Variants in GYPE observed in about 807,000 individuals in gnomAD.
GYPE encodes the protein glycophorin-E.
A neutral mutation model predicts 11.6 loss-of-function variants in GYPE; 8 were observed. The ratio of observed to expected loss-of-function variants is 0.69; its 90% CI spans 0.41 to 1.25. The LOEUF (loss-of-function observed/expected upper bound fraction) is 1.25. GYPE is among the 50% of genes most tolerant of loss of function. The probability of loss-of-function intolerance (pLI) is 0.01; values close to 1 mark genes in which losing one functional copy is unlikely to be tolerated. For missense variants in GYPE, 90 were observed against 92.8 expected (o/e 0.97, Z 0.12); for synonymous variants, 28 against 29.6 (o/e 0.94, Z 0.18).
intron 2 of GYPE, among the ~76,000 whole-genome samples, chr4:143,880,027 C>G (rs1172845459): frequency 6.6e-6 from 1 of 152,074 alleles, no homozygotes; most frequent in African/African-American, 2.4e-5. Context: ...GGATAGAAAC[C>G]CTGCAGGGCA....
intron 1 of GYPE, among the ~76,000 whole-genome samples, chr4:143,903,035 C>T (rs1744925304): frequency 6.6e-6 from 1 of 151,670 alleles, no homozygotes; most frequent in African/African-American, 2.4e-5. Flanking sequence ...TGCCTTCTGT[C>T]CTCTTTTCCC....
intron 1 of GYPE, among the ~76,000 whole-genome samples, chr4:143,899,982 AG>A (rs1339608650): frequency 1.1e-5 from 1 of 92,724 alleles, no homozygotes; most frequent in African/African-American, 3.5e-5. Flanking sequence ...TGTGCATCAA[AG>A]GACACTATCA....
chr4:143,900,787 C>T (rs1337072589), intron 1 of GYPE, among the ~76,000 whole-genome samples: 1 of 152,054 alleles, frequency 6.6e-6, no homozygotes, highest in Non-Finnish European at 1.5e-5. Context: ...ATGGGTAAAT[C>T]TGTAGAGGTA....
chr4:143,893,940 A>C (rs1251779469), intron 1 of GYPE, among the ~76,000 whole-genome samples: 1 of 152,156 alleles, frequency 6.6e-6, no homozygotes, highest in Non-Finnish European at 1.5e-5. Flanking sequence ...CATCACTTTC[A>C]GGTACACCAA....
chr4:143,894,841 T>C (rs1744563455), intron 1 of GYPE, among the ~76,000 whole-genome samples: 1 of 152,090 alleles, frequency 6.6e-6, no homozygotes, highest in African/African-American at 2.4e-5. Context: ...GATGCAAGGC[T>C]GGTTCAATAT....
chr4:143,877,337 A>G (rs961339457), intron 2 of GYPE, among the ~76,000 whole-genome samples: 113 of 152,322 alleles, frequency 7.4e-4, no homozygotes, highest in Middle Eastern at 3.4e-3. Flanking sequence ...GAAGCTGAAT[A>G]AGGTTAACTT....
intron 1 of GYPE, among the ~76,000 whole-genome samples, chr4:143,897,962 G>T (rs1291468316): frequency 6.6e-6 from 1 of 152,102 alleles, no homozygotes; most frequent in Admixed American, 6.5e-5. Flanking sequence ...GCAGAAACAA[G>T]GAATCATAAA....
At chr4:143,892,267 G>A (rs1168827324) in intron 1 of GYPE, among the ~76,000 whole-genome samples, 1 of 151,940 alleles carries the variant, frequency 6.6e-6, no homozygotes, top group Non-Finnish European at 1.5e-5. Context: ...CCAGCTCCTG[G>A]GTTCATTAAT....
At chr4:143,891,526 C>G (rs1744405668) in intron 1 of GYPE, among the ~76,000 whole-genome samples, 1 of 151,750 alleles carries the variant, frequency 6.6e-6, no homozygotes, top group Non-Finnish European at 1.5e-5. Flanking sequence ...GATGGGGTTT[C>G]ACTGTGTTAG....
intron 1 of GYPE, among the ~76,000 whole-genome samples, chr4:143,887,671 C>G (rs1744257637): frequency 6.6e-6 from 1 of 150,798 alleles, no homozygotes; most frequent in African/African-American, 2.4e-5. Flanking sequence ...GATGTGGAGG[C>G]TTAGGGCACC....
chr4:143,896,611 G>T (rs1744651804), intron 1 of GYPE, among the ~76,000 whole-genome samples: 2 of 152,114 alleles, frequency 1.3e-5, no homozygotes, highest in African/African-American at 4.8e-5. Context: ...ATTCCTCAGG[G>T]ATCTACAACT....
intron 1 of GYPE, among the ~76,000 whole-genome samples, chr4:143,898,734 T>A (rs956439686): frequency 1.3e-5 from 2 of 152,216 alleles, no homozygotes; most frequent in Non-Finnish European, 2.9e-5. Flanking sequence ...AACGAATCAA[T>A]GAAGACAGAT....
chr4:143,892,909 G>A (rs1029936463), intron 1 of GYPE, among the ~76,000 whole-genome samples: 22 of 150,830 alleles, frequency 1.5e-4, no homozygotes, highest in Admixed American at 1.4e-3. Flanking sequence ...TGACAGTGGG[G>A]TGTTAAAGTC....
intron 2 of GYPE, among the ~76,000 whole-genome samples, 169 bp from the exon 3 acceptor site, chr4:143,877,024 G>A (rs1743842149): frequency 6.6e-6 from 1 of 152,140 alleles, no homozygotes; most frequent in Non-Finnish European, 1.5e-5. Flanking sequence ...GTGCTTTACA[G>A]TAACCTTGTG....
chr4:143,903,087 A>C (rs1280579408), intron 1 of GYPE, among the ~76,000 whole-genome samples: 1 of 152,076 alleles, frequency 6.6e-6, no homozygotes, highest in Non-Finnish European at 1.5e-5. Context: ...TTCCACGTTT[A>C]GCATAAATGT....
chr4:143,899,063 A>G (rs1372332687), intron 1 of GYPE, among the ~76,000 whole-genome samples: 2 of 146,024 alleles, frequency 1.4e-5, no homozygotes, highest in Non-Finnish European at 3.0e-5. Flanking sequence ...AACATTTTCT[A>G]TAGCCCATAT....
chr4:143,882,300 T>G (rs1348332581), intron 1 of GYPE, among the ~76,000 whole-genome samples: 3 of 138,044 alleles, frequency 2.2e-5, no homozygotes, highest in African/African-American at 8.2e-5. Context: ...GATTTTGAAG[T>G]TCAACAAATA....
Position 143,871,218 on chromosome 4 carries a change from T to G in GYPE, c.*1044A>C, listed in dbSNP as rs1402855947. ...TCAGTCATTCCACATATTGAGTGATTTCTCTCTTCTATTCAGTATTCTTCC... is the reference window on the plus strand; with the variant it reads ...TCAGTCATTCCACATATTGAGTGATGTCTCTCTTCTATTCAGTATTCTTCC... On this transcript the variant is annotated 3_prime_UTR_variant, in exon 4 of 4. Transcript: ENST00000358615. 6.6e-6 allele frequency: 1 copy of G among 151,976 alleles called. No homozygotes were observed. Among genetic ancestry groups the G allele is most frequent in the African/African-American group, 2.4e-5 (1 of 41,278 alleles). 9.4% of individuals were successfully genotyped at this position (151,976 alleles called of 1,614,324 possible). A position where few individuals can be genotyped will look rare whatever the true frequency, so the allele number is the denominator to read the frequency against.
intron 1 of GYPE, among the ~76,000 whole-genome samples, chr4:143,899,268 C>T (rs1206278238): frequency 6.6e-6 from 1 of 151,540 alleles, no homozygotes; most frequent in African/African-American, 2.4e-5. Flanking sequence ...GGCAACATAA[C>T]ATATTCTCCA....
Sources: allele counts gnomAD v4.1 joint callset (sites outside exome capture counted in the v4.1 genomes callset), GRCh38; gene constraint gnomAD v4.1.1; transcripts MANE v1.5; gene names NCBI Gene and HGNC (gene_info 2026-07-23, HGNC 2026-07-21).